Variants in AHR observed in about 807,000 individuals in gnomAD.
AHR encodes AH-receptor.
In AHR, 40 loss-of-function variants were observed where a neutral mutation model predicts 86.8. The ratio of observed to expected loss-of-function variants is 0.46; its 90% CI spans 0.36 to 0.60. The LOEUF (loss-of-function observed/expected upper bound fraction) is 0.60, where lower values mean the gene tolerates loss of function less well. Ranked by LOEUF, AHR falls within the 20% of genes least tolerant of loss-of-function variation. The probability of loss-of-function intolerance (pLI) is 0.00; values close to 1 mark genes in which losing one functional copy is unlikely to be tolerated. For synonymous variants in AHR, 398 were observed against 354.9 expected, an observed-to-expected ratio of 1.12 and a Z score of -1.37; for missense variants, 1,001 against 1,011.6, an observed-to-expected ratio of 0.99 and a Z score of 0.14.
chr7:17,335,892 T>C, intron 9 of AHR, 106 bp downstream of exon 9: 1 of 1,234,528 alleles, frequency 8.1e-7, no homozygotes, highest in Non-Finnish European at 1.1e-6. Context: ...AAATAAAAAT[T>C]GAAAAGTTTA....
chr7:17,311,533 C>CTT (rs1453083531), intron 2 of AHR, among the ~76,000 whole-genome samples: 1 of 152,128 alleles, frequency 6.6e-6, no homozygotes, highest in African/African-American at 2.4e-5. Context: ...GTCTGAGCAT[C>CTT]TTTTTATTGA....
rs946546513 is a variant in AHR at position 17,345,415 on chromosome 7, C to G, written c.*2351C>G. On this transcript the variant is annotated 3_prime_UTR_variant, in exon 11 of 11. Transcript: ENST00000242057. Reference sequence around the variant, plus strand: ...AATATCTCTGAGTTCTGTGTATTTTCAGTCAAAACTTTAAACCTGTAGAAT... The same window carrying G: ...AATATCTCTGAGTTCTGTGTATTTTGAGTCAAAACTTTAAACCTGTAGAAT... 6.6e-6 allele frequency: 1 copy of G among 152,340 alleles called. No homozygotes were observed. The highest frequency in any genetic ancestry group is 2.4e-5 in the African/African-American group (1 of 41,374). 9.4% of individuals were successfully genotyped at this position (152,340 alleles called of 1,614,324 possible).
intron 1 of AHR, among the ~76,000 whole-genome samples, chr7:17,308,090 C>T (rs1172003018): frequency 1.3e-5 from 2 of 152,278 alleles, no homozygotes; most frequent in Non-Finnish European, 2.9e-5. Context: ...CCATCCTCCA[C>T]CTAGGATGTA....
rs1781923133 is a variant in AHR at position 17,299,035 on chromosome 7, A to G, written c.-230A>G. 2.1e-6 allele frequency: 1 copy of G among 480,966 alleles called. No individual in the cohort carries two copies. The highest frequency in any genetic ancestry group is 3.6e-6 in the Non-Finnish European group (1 of 279,820). 29.8% of individuals were successfully genotyped at this position (480,966 alleles called of 1,614,324 possible). On this transcript the variant is annotated 5_prime_UTR_variant, in exon 1 of 11. Coordinates refer to ENST00000242057, the MANE Select transcript of AHR (RefSeq NM_001621.5). Reference sequence around the variant, plus strand: ...GGGTCTCCGCCCCTCGCCCACCCTCACTGCGCCAGGCCCAGGCAGCTCACC... The same window carrying G: ...GGGTCTCCGCCCCTCGCCCACCCTCGCTGCGCCAGGCCCAGGCAGCTCACC...
Position 17,344,348 on chromosome 7 carries a change from T to C in AHR, c.*1284T>C, listed in dbSNP as rs1782459365. The C allele has an allele frequency of 6.5e-6, 1 of 152,754 alleles. No individual in the cohort carries two copies. Among genetic ancestry groups the C allele is most frequent in the Non-Finnish European group, 1.5e-5 (1 of 68,018 alleles). The allele number at this position is 152,754 out of a possible 1,614,324, so 9.5% of individuals were successfully genotyped here. ...ATAATGAACAAAATTATTTGTAAGA[T>C]ATTTGCAGTTTTTCATTTTAAAAAG... On this transcript the variant is annotated 3_prime_UTR_variant, in exon 11 of 11. Coordinates refer to ENST00000242057, the MANE Select transcript of AHR (RefSeq NM_001621.5).
intron 2 of AHR, among the ~76,000 whole-genome samples, chr7:17,317,837 T>G (rs1034428901): frequency 2.6e-5 from 4 of 152,170 alleles, no homozygotes; most frequent in Non-Finnish European, 5.9e-5. Context: ...ACTACTCTTG[T>G]ATATATGAAA....
intron 2 of AHR, among the ~76,000 whole-genome samples, chr7:17,312,143 C>T (rs749690136): frequency 6.6e-6 from 1 of 152,186 alleles, no homozygotes; most frequent in Non-Finnish European, 1.5e-5. Flanking sequence ...GGAATGCTGT[C>T]CTGATCCCTA....
chr7:17,342,020 T>C (rs904020728), intron 10 of AHR, among the ~76,000 whole-genome samples: 2 of 152,178 alleles, frequency 1.3e-5, no homozygotes, highest in African/African-American at 4.8e-5. Flanking sequence ...ATACAGGTTA[T>C]ATGATTTTTA....
At chr7:17,342,574 A>T (rs181741016) in intron 10 of AHR, among the ~76,000 whole-genome samples, 4 of 152,272 alleles carry the variant, frequency 2.6e-5, no homozygotes, top group Non-Finnish European at 5.9e-5. Flanking sequence ...AAACCTACTT[A>T]TGATAGAGAA....
At chr7:17,312,101 G>A (rs1251432653) in intron 2 of AHR, among the ~76,000 whole-genome samples, 1 of 152,192 alleles carries the variant, frequency 6.6e-6, no homozygotes, top group East Asian at 1.9e-4. Context: ...CACTGCTGTA[G>A]ATTGTAACTT....
At chr7:17,325,957 T>C (rs971289283) in intron 3 of AHR, among the ~76,000 whole-genome samples, 4 of 152,108 alleles carry the variant, frequency 2.6e-5, no homozygotes, top group South Asian at 4.2e-4. Flanking sequence ...AGTAAAAAAA[T>C]AGAACAAAAC....
At chr7:17,338,090 T>C (rs1217973733) in intron 9 of AHR, among the ~76,000 whole-genome samples, 1 of 150,780 alleles carries the variant, frequency 6.6e-6, no homozygotes, top group Non-Finnish European at 1.5e-5. Flanking sequence ...TCCCAGCTAC[T>C]CGGGAGGCTG....
At chr7:17,341,429 A>G (rs1469248048) in intron 10 of AHR, among the ~76,000 whole-genome samples, 3 of 152,178 alleles carry the variant, frequency 2.0e-5, no homozygotes, top group Non-Finnish European at 2.9e-5. Flanking sequence ...ATTTTGAATA[A>G]GGAGTTGCAT....
Position 17,342,980 on chromosome 7 carries a change from T to A in AHR, c.2463T>A (p.Thr821=). Residue 821 remains threonine, a synonymous_variant, in exon 11 of 11, where the codon ACT becomes ACA. Transcript: ENST00000242057. ...YPAELNNINN[T]QTTTHLQPLH... is the part of the protein sequence containing the mutation. ...CTGAATTAAATAACATAAATAACAC[T>A]CAGACTACCACACATCTTCAGCCAC... The A allele has an allele frequency of 6.2e-7, 1 of 1,613,462 alleles. No individual in the cohort carries two copies. Among genetic ancestry groups the A allele is most frequent in the Non-Finnish European group, 8.5e-7 (1 of 1,179,442 alleles).
chr7:17,329,920 T>C, intron 4 of AHR, 32 bp from the exon 5 acceptor site: 1 of 1,578,644 alleles, frequency 6.3e-7, no homozygotes, highest in Middle Eastern at 1.7e-4. Flanking sequence ...AATCAGTCCT[T>C]TTGTTGTATT....
intron 2 of AHR, among the ~76,000 whole-genome samples, chr7:17,319,606 A>G (rs1483300317): frequency 1.3e-5 from 2 of 152,146 alleles, no homozygotes; most frequent in Admixed American, 6.6e-5. Flanking sequence ...ATCACATATG[A>G]GTACTAAGTA....
intron 2 of AHR, among the ~76,000 whole-genome samples, chr7:17,314,648 C>T (rs1469986548): frequency 6.6e-6 from 1 of 151,972 alleles, no homozygotes; most frequent in African/African-American, 2.4e-5. Flanking sequence ...TCTTGAAAAA[C>T]AAGTATACGT....
In AHR at chr7:17,304,641, T is replaced by C. The variant is rs572562131; in HGVS notation, c.66-5295T>C. Among the ~76,000 whole-genome samples, 8 of 152,248 alleles carry C rather than the reference T, an allele frequency of 5.3e-5. No homozygotes were observed. In the South Asian group the frequency reaches 1.2e-3, roughly 24 times the overall value. On this transcript the variant is annotated intron_variant, in intron 1 of 10. Transcript: ENST00000242057. ...AGATGCCACATCTCCATGAACTCTT[T>C]TGCAGCACCTGTGTTACTGAGCAAT...
intron 10 of AHR, among the ~76,000 whole-genome samples, chr7:17,341,462 A>C (rs1401731540): frequency 6.6e-6 from 1 of 152,172 alleles, no homozygotes; most frequent in Non-Finnish European, 1.5e-5. Context: ...AGTTCTTTGC[A>C]GTGTTTTCCC....
Sources: allele counts gnomAD v4.1 joint callset (sites outside exome capture counted in the v4.1 genomes callset), GRCh38; gene constraint gnomAD v4.1.1; transcripts MANE v1.5; gene names NCBI Gene and HGNC (gene_info 2026-07-23, HGNC 2026-07-21).